GNG7: variants seen among roughly 807,000 people sequenced by gnomAD.
GNG7 encodes G protein subunit gamma 7, also known as guanine nucleotide-binding protein G(I)/G(S)/G(O) subunit gamma-7.
In GNG7, 1 loss-of-function variant was observed where a neutral mutation model predicts 4.0. The observed-to-expected ratio is 0.25, with a 90% CI of 0.09 to 1.18. GNG7 has a LOEUF of 1.18. GNG7 is among the 50% of genes most tolerant of loss of function. The pLI is 0.50. For synonymous variants in GNG7, 34 were observed against 36.9 expected (o/e 0.92, Z 0.29); for missense variants, 86 against 91.9 (o/e 0.94, Z 0.26).
At chr19:2,693,623 G>A (rs1913182439) in intron 1 of GNG7, among the ~76,000 whole-genome samples, 1 of 151,984 alleles carries the variant, frequency 6.6e-6, no homozygotes, top group South Asian at 2.1e-4. Context: ...ATTCTCTGGG[G>A]TGCGGCCATC....
intron 2 of GNG7, chr19:2,632,687 C>CT (rs1162095838): frequency 6.6e-6 from 1 of 152,232 alleles, no homozygotes; most frequent in Non-Finnish European, 1.5e-5. Context: ...CACCCACTCC[C>CT]TGCCAGGAGC....
At chr19:2,605,629 TC>T (rs1981357139) in intron 2 of GNG7, among the ~76,000 whole-genome samples, 1 of 148,862 alleles carries the variant, frequency 6.7e-6, no homozygotes. Context: ...TTCTCCTGCC[TC>T]AGCCTCCCGA....
At chr19:2,659,185 G>A (rs561862059) in intron 1 of GNG7, among the ~76,000 whole-genome samples, 17 of 151,938 alleles carry the variant, frequency 1.1e-4, no homozygotes, top group South Asian at 2.1e-4. Flanking sequence ...TAGCCAGGAT[G>A]GTCTCAATCT....
At chr19:2,581,973 T>C (rs999350960) in intron 2 of GNG7, among the ~76,000 whole-genome samples, 2 of 152,158 alleles carry the variant, frequency 1.3e-5, no homozygotes, top group African/African-American at 4.8e-5. Context: ...CTATGTCACC[T>C]ACCACCCATC....
At chr19:2,605,507 CTTTT>C (rs10602276) in intron 2 of GNG7, among the ~76,000 whole-genome samples, 983 of 62,438 alleles carry the variant, frequency 0.016, 14 homozygotes, top group African/African-American at 0.061. Context: ...CCAAATCTCA[CTTTT>C]TTTTTTTTTT....
At chr19:2,595,962 C>T (rs1002307827) in intron 2 of GNG7, among the ~76,000 whole-genome samples, 10 of 152,014 alleles carry the variant, frequency 6.6e-5, no homozygotes, top group African/African-American at 1.2e-4. Context: ...CATCAACGAC[C>T]GAATCCAGCT....
At position 2,653,671 on chromosome 19, in the gene GNG7, A is replaced by C. The variant is rs1982888241; in HGVS notation, c.-134-7391T>G. Among the ~76,000 whole-genome samples the C allele has an allele frequency of 6.6e-6, 1 of 151,794 alleles. No individual in the cohort carries two copies. The highest frequency in any genetic ancestry group is 2.4e-5 in the African/African-American group (1 of 41,274). On this transcript the variant is annotated intron_variant, in intron 1 of 4. Transcript: ENST00000382159. This position sits in a 1 kb window ranked among gnomAD's most constrained non-coding sequence, Gnocchi z 4.8. ...GAGCTGAGCAGCGTCCCTGGCCTCC[A>C]CCCACCCCATGCCAGGGGCATCCCC...
intron 2 of GNG7, among the ~76,000 whole-genome samples, chr19:2,571,588 C>CTTTTTTTTTTTTTTTTTT (rs779497111): frequency 4.4e-5 from 3 of 68,012 alleles, no homozygotes; most frequent in Admixed American, 2.3e-4. Flanking sequence ...CATTTCTTTC[C>CTTTTTTTTTTTTTTTTTT]TTTTTTTTTT....
chr19:2,598,742 C>T (rs942947606), intron 2 of GNG7, among the ~76,000 whole-genome samples: 1 of 150,598 alleles, frequency 6.6e-6, no homozygotes, highest in African/African-American at 2.4e-5. Flanking sequence ...TGGGCATCTT[C>T]CGTCAAAAGA....
At chr19:2,530,108 G>A (rs554398783) in intron 3 of GNG7, among the ~76,000 whole-genome samples, 1 of 152,324 alleles carries the variant, frequency 6.6e-6, no homozygotes, top group South Asian at 2.1e-4. Context: ...CTCTTGCTGA[G>A]GTCCACTAGA....
intron 2 of GNG7, among the ~76,000 whole-genome samples, chr19:2,604,336 G>C (rs951677273): frequency 6.6e-6 from 1 of 151,854 alleles, no homozygotes; most frequent in Non-Finnish European, 1.5e-5. Flanking sequence ...GCCGGATGTG[G>C]TGGCGTGTGC....
intron 2 of GNG7, among the ~76,000 whole-genome samples, chr19:2,564,791 A>G (rs1568245311): frequency 1.3e-5 from 2 of 152,158 alleles, no homozygotes; most frequent in African/African-American, 4.8e-5. Flanking sequence ...GGCCTCCAAA[A>G]GTAGGAGAGG....
At chr19:2,592,289 ACT>A (rs1365493962) in intron 2 of GNG7, among the ~76,000 whole-genome samples, 5 of 152,158 alleles carry the variant, frequency 3.3e-5, no homozygotes, top group Non-Finnish European at 5.9e-5. Flanking sequence ...ACCAAAAACA[ACT>A]CTTAACATTT....
At chr19:2,534,001 G>A (rs936157810) in intron 3 of GNG7, among the ~76,000 whole-genome samples, 1 of 152,066 alleles carries the variant, frequency 6.6e-6, no homozygotes, top group Non-Finnish European at 1.5e-5. Context: ...TTTATTATAC[G>A]ATTTTTATTA....
At chr19:2,585,917 G>T (rs951658339) in intron 2 of GNG7, among the ~76,000 whole-genome samples, 1 of 152,134 alleles carries the variant, frequency 6.6e-6, no homozygotes, top group South Asian at 2.1e-4. Context: ...GGCCAGGATG[G>T]TCTCACTCTC....
intron 4 of GNG7, chr19:2,517,105 CAG>C (rs1419731585): frequency 5.3e-5 from 8 of 152,266 alleles, no homozygotes; most frequent in African/African-American, 1.7e-4. Flanking sequence ...AGGGCGATCA[CAG>C]GGGGAGGATT....
chr19:2,695,725 G>A (rs551452662), intron 1 of GNG7, among the ~76,000 whole-genome samples: 11 of 152,262 alleles, frequency 7.2e-5, no homozygotes, highest in East Asian at 3.9e-4. Context: ...GGAAGTGACC[G>A]TCTGATCAGT....
chr19:2,537,604 C>T (rs946877133), intron 3 of GNG7, among the ~76,000 whole-genome samples: 2 of 152,106 alleles, frequency 1.3e-5, no homozygotes, highest in African/African-American at 4.8e-5. Context: ...ACATATAATA[C>T]ACTGAGCATG....
At chr19:2,608,282 G>A (rs1295504870) in intron 2 of GNG7, among the ~76,000 whole-genome samples, 2 of 151,808 alleles carry the variant, frequency 1.3e-5, no homozygotes, top group East Asian at 1.9e-4. Flanking sequence ...TACCTGCTGC[G>A]GAGAGGTTCC....
Sources: gnomAD v4.1 joint callset for allele counts (sites outside exome capture counted in the v4.1 genomes callset) on GRCh38, gnomAD v4.1.1 for gene constraint, Gnocchi (gnomAD v3.1) non-coding constraint, MANE v1.5 for transcripts, NCBI Gene and HGNC (gene_info 2026-07-23, HGNC 2026-07-21) for gene names.